Variants in DEFA6 observed in about 807,000 individuals in gnomAD.
The protein encoded by DEFA6 is defensin alpha 6, also known as defensin-6.
In DEFA6, 8 loss-of-function variants were observed where a neutral mutation model predicts 5.1. That is an observed-to-expected ratio of 1.57 (90% CI 0.92 to 2.83). The LOEUF (loss-of-function observed/expected upper bound fraction) is 2.83, where lower values mean the gene tolerates loss of function less well. Ranked by LOEUF, DEFA6 falls within the 30% of genes most tolerant of loss-of-function variation. The probability of loss-of-function intolerance (pLI) is 0.00; values close to 1 mark genes in which losing one functional copy is unlikely to be tolerated. For synonymous variants in DEFA6, 74 were observed against 45.3 expected, an observed-to-expected ratio of 1.63 and a Z score of -2.54; for missense variants, 191 against 119.1, an observed-to-expected ratio of 1.60 and a Z score of -2.81.
rs1335560139 is a variant in DEFA6, at chr8:6,925,944, G to C, written c.92C>G (p.Ala31Gly). 6.2e-7 allele frequency: 1 copy of C among 1,613,928 alleles called. No individual in the cohort carries two copies. The highest frequency in any genetic ancestry group is 8.5e-7 in the Non-Finnish European group (1 of 1,180,002). Reference sequence around the variant, plus strand: ...CTGGGCATCAGCCTCATAAGCTTTTGCCTGCAGTGGATCATCCTCAGCTTG... The same window carrying C: ...CTGGGCATCAGCCTCATAAGCTTTTCCCTGCAGTGGATCATCCTCAGCTTG... ...PLQAEDDPLQ[A>G]KAYEADAQEQ... Residue 31 changes from alanine to glycine, a missense_variant, in exon 1 of 2, where the codon GCA (alanine) becomes GGA (glycine). Ala to Gly is a moderately conservative substitution (Grantham distance 60). Coordinates refer to ENST00000297436, the MANE Select transcript of DEFA6 (RefSeq NM_001926.4).
chr8:6,925,996 C>A lies in DEFA6; in HGVS notation c.40G>T (p.Ala14Ser), dbSNP rs747081155. Residue 14 changes from alanine to serine, a missense_variant, in exon 1 of 2, where the codon GCC becomes TCC. Transcript: ENST00000297436. ...LTILTAVLLV[A>S]LQAKAEPLQA... The stretch of plus-strand genomic sequence containing the variant: ...AGTGGCTCAGCCTTGGCCTGGAGGG[C>A]CACGAGGAGAACAGCAGTGAGGATG... 6.2e-7 allele frequency: 1 copy of A among 1,613,168 alleles called. No homozygotes were observed.
Position 6,924,799 on chromosome 8 carries a change from T to C in DEFA6, c.*19A>G. On this transcript the variant is annotated 3_prime_UTR_variant, in exon 2 of 2. Coordinates refer to ENST00000297436, the MANE Select transcript of DEFA6 (RefSeq NM_001926.4). The stretch of plus-strand genomic sequence containing the variant: ...GTCATAAAGTAAATTATGAATATAT[T>C]TCTCTCTGTTCTCATCCCTCAGAGG... 1 of 1,518,940 alleles carries C rather than the reference T, an allele frequency of 6.6e-7. No homozygotes were observed. The allele number at this position is 1,518,940 out of a possible 1,614,324, so 94.1% of individuals were successfully genotyped here.
rs528547399 is a variant in DEFA6 at position 6,925,524 on chromosome 8, CAAACA to C, written c.193+314_193+318del. 3.0e-3 allele frequency among the ~76,000 whole-genome samples: 457 copies of C among 152,214 alleles called. 1 individual carries two copies. The highest frequency in any genetic ancestry group is 0.011 in the African/African-American group (439 of 41,536). On this transcript the variant is annotated intron_variant, in intron 1 of 1. Coordinates refer to ENST00000297436, the MANE Select transcript of DEFA6 (RefSeq NM_001926.4). ...CCTGGGTGACAGAGCGAGACTCCAT[CAAACA>C]AAACAAAACAAAACAAAGCAAAACA...
At position 6,924,839 on chromosome 8, in the gene DEFA6, G is replaced by A; in HGVS notation, c.282C>T (p.Asn94=). 1 of 1,607,792 alleles carries A rather than the reference G, an allele frequency of 6.2e-7. No individual in the cohort carries two copies. Among genetic ancestry groups the A allele is most frequent in the Non-Finnish European group, 8.5e-7 (1 of 1,174,836 alleles). ...TCCCTCAGAGGCAGCAGAATCTGTG[G>A]TTAATACCCATGACAGTGCAGGTCC... The part of the protein sequence containing the change: ...SYGTCTVMGI[N]HRFCCL Residue 94 remains asparagine, a synonymous_variant, in exon 2 of 2, where the codon AAC becomes AAT. Coordinates refer to ENST00000297436, the MANE Select transcript of DEFA6 (RefSeq NM_001926.4).
Position 6,926,074 on chromosome 8 carries a change from T to C in DEFA6, c.-39A>G. 6.5e-7 allele frequency: 1 copy of C among 1,546,444 alleles called. No individual in the cohort carries two copies. On this transcript the variant is annotated 5_prime_UTR_variant, in exon 1 of 2. Transcript: ENST00000297436. Reference sequence around the variant, plus strand: ...GGAGGAGAGAGAGCAGGAGCAGATGTGTGGGGAGTGAGGAGCCAGCCTGGA... The same window carrying C: ...GGAGGAGAGAGAGCAGGAGCAGATGCGTGGGGAGTGAGGAGCCAGCCTGGA...
At chr8:6,925,545 A>T (rs1394193116) in intron 1 of DEFA6, among the ~76,000 whole-genome samples, 2 of 152,184 alleles carry the variant, frequency 1.3e-5, no homozygotes, top group East Asian at 3.8e-4. Flanking sequence ...AAACAAAACA[A>T]AGCAAAACAA....
In DEFA6 at chr8:6,925,879, A is replaced by G; in HGVS notation, c.157T>C (p.Phe53Leu). ...AGACTTGAGCTTGCATCCTCTGCAA[A>G]GGAGACGGCAAAGTCCTGGTCATTT... ...GANDQDFAVSFAEDASSSLRA... is the reference protein window; with the variant it reads ...GANDQDFAVSLAEDASSSLRA... Residue 53 changes from phenylalanine (F) to leucine (L), a missense_variant, in exon 1 of 2, where the codon TTT becomes CTT. Physicochemically the swap from Phe to Leu is conservative, Grantham distance 22. Coordinates refer to ENST00000297436, the MANE Select transcript of DEFA6 (RefSeq NM_001926.4). 1 of 1,614,024 alleles carries G rather than the reference A, an allele frequency of 6.2e-7. No homozygotes were observed. The highest frequency in any genetic ancestry group is 1.7e-4 in the Middle Eastern group (1 of 6,058).
chr8:6,925,060 C>T (rs1331486054), intron 1 of DEFA6, 133 bp from the exon 2 acceptor site: 2 of 607,440 alleles, frequency 3.3e-6, no homozygotes, highest in African/African-American at 3.6e-5. Context: ...CATGATCACA[C>T]CATCAATAGG....
chr8:6,924,973 G>A (rs764296888), intron 1 of DEFA6, 46 bp from the exon 2 acceptor site: 13 of 1,298,016 alleles, frequency 1.0e-5, no homozygotes, highest in South Asian at 2.5e-5. Context: ...ACCAGGGTCA[G>A]CAGCGGGCAG....
intron 1 of DEFA6, 151 bp from the exon 2 acceptor site, chr8:6,925,078 A>T (rs1005910425): frequency 1.1e-4 from 65 of 593,764 alleles, no homozygotes; most frequent in Non-Finnish European, 1.7e-4. Flanking sequence ...AGGAATAAAT[A>T]CGCAGAGCAG....
At chr8:6,925,288 A>G (rs1808392829) in intron 1 of DEFA6, among the ~76,000 whole-genome samples, 1 of 152,194 alleles carries the variant, frequency 6.6e-6, no homozygotes, top group Admixed American at 6.5e-5. Context: ...TGGGAGGCCA[A>G]GGTGGGTTTA....
At chr8:6,925,794 T>G in intron 1 of DEFA6, 49 bp downstream of exon 1, 1 of 1,504,488 alleles carries the variant, frequency 6.6e-7, no homozygotes, top group Non-Finnish European at 8.9e-7. Context: ...CTAGAAGTGC[T>G]TGGTTTTCCT....
chr8:6,925,168 A>T (rs1808387823), intron 1 of DEFA6, among the ~76,000 whole-genome samples: 2 of 152,186 alleles, frequency 1.3e-5, no homozygotes, highest in African/African-American at 2.4e-5. Context: ...ACACATCTGA[A>T]TGCACCCATA....
In DEFA6 at chr8:6,925,890, A is replaced by G; in HGVS notation, c.146T>C (p.Phe49Ser). ...QEQRGANDQDFAVSFAEDASS... is the reference protein window; with the variant it reads ...QEQRGANDQDSAVSFAEDASS... The stretch of plus-strand genomic sequence containing the variant: ...TGCATCCTCTGCAAAGGAGACGGCA[A>G]AGTCCTGGTCATTTGCCCCACGCTG... The change falls in exon 1 of 2, where the codon TTT (phenylalanine) becomes TCT (serine). Residue 49 changes from phenylalanine to serine, a missense_variant. Coordinates refer to ENST00000297436, the MANE Select transcript of DEFA6 (RefSeq NM_001926.4). 1.9e-6 allele frequency: 3 copies of G among 1,614,110 alleles called. No individual in the cohort carries two copies. Among genetic ancestry groups the G allele is most frequent in the Non-Finnish European group, 2.5e-6 (3 of 1,180,030 alleles).
In DEFA6 at chr8:6,925,831, G is replaced by A; in HGVS notation, c.193+12C>T. On this transcript the variant is annotated intron_variant, in intron 1 of 1. Transcript: ENST00000297436. ...TCTACACTCCTAGCTCTGCAATGCT[G>A]GTGTCTCTTACCCAAAGCTCTAAGA... 1 of 1,601,838 alleles carries A rather than the reference G, an allele frequency of 6.2e-7. No individual in the cohort carries two copies. Among genetic ancestry groups the A allele is most frequent in the Non-Finnish European group, 8.5e-7 (1 of 1,174,434 alleles).
At position 6,925,853 on chromosome 8, in the gene DEFA6, A is replaced by G. The variant is rs1466664631; in HGVS notation, c.183T>C (p.Leu61=). 5 of 1,612,424 alleles carry G rather than the reference A, an allele frequency of 3.1e-6. No homozygotes were observed. The highest frequency in any genetic ancestry group is 4.2e-6 in the Non-Finnish European group (5 of 1,179,386). Residue 61 remains leucine (L), a synonymous_variant, in exon 1 of 2, where the codon CTT becomes CTC. Coordinates refer to ENST00000297436, the MANE Select transcript of DEFA6 (RefSeq NM_001926.4). ...VSFAEDASSS[L]RALGSTRAFT... is the part of the protein sequence containing the mutation. ...GCTGGTGTCTCTTACCCAAAGCTCTAAGACTTGAGCTTGCATCCTCTGCAA... is the reference window on the plus strand; with the variant it reads ...GCTGGTGTCTCTTACCCAAAGCTCTGAGACTTGAGCTTGCATCCTCTGCAA...
At chr8:6,925,719 CAT>C in intron 1 of DEFA6, 122 bp downstream of exon 1, 1 of 715,692 alleles carries the variant, frequency 1.4e-6, no homozygotes, top group Non-Finnish European at 2.1e-6. Context: ...TCAGTACAAA[CAT>C]AAAGTAATTG....
rs1459518746 is a variant in DEFA6, at chr8:6,925,843, C to G, written c.193G>C (p.Gly65Arg). 3.1e-6 allele frequency: 5 copies of G among 1,609,222 alleles called. No individual in the cohort carries two copies. The Admixed American group carries it at 5.0e-5, about 16-fold the overall frequency. Residue 65 changes from glycine to arginine, a missense_variant and splice_region_variant, in exon 1 of 2, where the codon GGC becomes CGC. Gly to Arg is a moderately radical substitution (Grantham distance 125). Transcript: ENST00000297436. ...EDASSSLRAL[G>R]STRAFTCHCR... ...GCTCTGCAATGCTGGTGTCTCTTACCCAAAGCTCTAAGACTTGAGCTTGCA... is the reference window on the plus strand; with the variant it reads ...GCTCTGCAATGCTGGTGTCTCTTACGCAAAGCTCTAAGACTTGAGCTTGCA...
rs1808369087 is a variant in DEFA6, at chr8:6,924,835, T to C, written c.286A>G (p.Arg96Gly). 1 of 1,604,382 alleles carries C rather than the reference T, an allele frequency of 6.2e-7. No individual in the cohort carries two copies. Among genetic ancestry groups the C allele is most frequent in the Non-Finnish European group, 8.5e-7 (1 of 1,172,210 alleles). ...GTCTVMGINH[R>G]FCCL ...CTCATCCCTCAGAGGCAGCAGAATC[T>C]GTGGTTAATACCCATGACAGTGCAG... The change falls in exon 2 of 2, where the codon AGA becomes GGA. Residue 96 changes from arginine (R) to glycine (G), a missense_variant. By Grantham distance (125) the Arg-to-Gly change is moderately radical (BLOSUM62 -2). Coordinates refer to ENST00000297436, the MANE Select transcript of DEFA6 (RefSeq NM_001926.4).
Sources: allele counts gnomAD v4.1 joint callset (sites outside exome capture counted in the v4.1 genomes callset), GRCh38; gene constraint gnomAD v4.1.1; transcripts MANE v1.5; gene names NCBI Gene and HGNC (gene_info 2026-07-23, HGNC 2026-07-21).